The following TASOR variants were observed in gnomAD, a reference collection of about 807,000 sequenced individuals.
TASOR encodes the protein transcription activation suppressor, also known as protein TASOR.
In TASOR, 53 loss-of-function variants were observed where a neutral mutation model predicts 178.6. The ratio of observed to expected loss-of-function variants is 0.30; its 90% CI spans 0.24 to 0.37. The LOEUF (loss-of-function observed/expected upper bound fraction) is 0.37. TASOR is among the 10% of genes least tolerant of loss of function. TASOR has a pLI of 1.00. For missense variants in TASOR, 1,815 were observed against 1,971.4 expected, an observed-to-expected ratio of 0.92 and a Z score of 1.50; for synonymous variants, 713 against 696.2, an observed-to-expected ratio of 1.02 and a Z score of -0.38.
chr3:56,664,016 CTAA>C (rs755102555), intron 7 of TASOR: 1 of 231,940 alleles, frequency 4.3e-6, no homozygotes, highest in Non-Finnish European at 7.0e-6. Context: ...CTACATAAAT[CTAA>C]TGAGGAAGAC....
chr3:56,647,096 G>A lies in TASOR; in HGVS notation c.1641C>T (p.Ala547=). Residue 547 remains alanine (A), a synonymous_variant, in exon 14 of 24, where the codon GCC becomes GCT. Transcript: ENST00000683822. ...TTTCAACAACAGAATGAAAATTTAT[G>A]GCGCTTATATTTTTGAATTCCTTTC... ...QCRKEFKNIS[A]INFHSVVEKY... 5 of 1,605,400 alleles carry A rather than the reference G, an allele frequency of 3.1e-6. No individual in the cohort carries two copies. The highest frequency in any genetic ancestry group is 2.2e-5 in the East Asian group (1 of 44,800).
Position 56,666,193 on chromosome 3 carries a change from A to G in TASOR, c.1022+67T>C, listed in dbSNP as rs112254520. ...GGAAGGAAACAAAATGGTCCTCCTAACTCAGTAGTACAGGATCTGTAGTAG... is the reference window on the plus strand; with the variant it reads ...GGAAGGAAACAAAATGGTCCTCCTAGCTCAGTAGTACAGGATCTGTAGTAG... On this transcript the variant is annotated intron_variant, in intron 7 of 23. Transcript: ENST00000683822. The G allele has an allele frequency of 4.6e-6, 6 of 1,297,896 alleles. No individual in the cohort carries two copies. In the African/African-American group the frequency reaches 7.7e-5, roughly 17 times the overall value. 80.4% of individuals were successfully genotyped at this position (1,297,896 alleles called of 1,614,324 possible). A position where few individuals can be genotyped will look rare whatever the true frequency, so the allele number is the denominator to read the frequency against.
At position 56,633,171 on chromosome 3, in the gene TASOR, T is replaced by C; in HGVS notation, c.3620A>G (p.Asn1207Ser). 1 of 1,614,204 alleles carries C rather than the reference T, an allele frequency of 6.2e-7. No individual in the cohort carries two copies. The highest frequency in any genetic ancestry group is 8.5e-7 in the Non-Finnish European group (1 of 1,180,044). ...VNISAQPALS[N>S]FISQLEPEVF... The stretch of plus-strand genomic sequence containing the variant: ...TTCAGGTTCTAACTGGCTTATAAAA[T>C]TTGAAAGAGCTGGTTGAGCAGAAAT... Residue 1207 changes from asparagine to serine, a missense_variant, in exon 18 of 24, where the codon AAT becomes AGT. This residue lies in a region of TASOR where 655 missense variants were observed against 671.1 expected (regional missense o/e 0.98). Coordinates refer to ENST00000683822, the MANE Select transcript of TASOR (RefSeq NM_001365635.2).
rs917676780 is a variant in TASOR at position 56,622,595 on chromosome 3, C to T, written c.*442G>A. On this transcript the variant is annotated 3_prime_UTR_variant, in exon 24 of 24. Transcript: ENST00000683822. The stretch of plus-strand genomic sequence containing the variant: ...AAATCTTGAGGTATCGAGCCAAAAT[C>T]CTGTAAATATTAACACTGCTATTAC... The T allele has an allele frequency of 1.3e-5, 2 of 152,758 alleles. No individual in the cohort carries two copies. Among genetic ancestry groups the T allele is most frequent in the Non-Finnish European group, 2.9e-5 (2 of 68,184 alleles). The allele number at this position is 152,758 out of a possible 1,614,324, so 9.5% of individuals were successfully genotyped here.
chr3:56,670,478 C>G (rs1333098469), intron 3 of TASOR, among the ~76,000 whole-genome samples: 2 of 152,166 alleles, frequency 1.3e-5, no homozygotes, highest in African/African-American at 4.8e-5. Flanking sequence ...GTAACTAGAA[C>G]TACAAGTGCT....
intron 3 of TASOR, among the ~76,000 whole-genome samples, chr3:56,670,940 C>CAA (rs11300845): frequency 2.5e-3 from 137 of 53,912 alleles, no homozygotes; most frequent in Non-Finnish European, 3.1e-3. Context: ...GACTCCATCT[C>CAA]AAAAAAAAAA....
intron 7 of TASOR, among the ~76,000 whole-genome samples, chr3:56,665,863 T>G (rs1172907098): frequency 6.6e-6 from 1 of 151,982 alleles, no homozygotes; most frequent in Non-Finnish European, 1.5e-5. Flanking sequence ...TCCCAGCTAC[T>G]CGGGAGGCTG....
intron 20 of TASOR, 106 bp from the exon 21 acceptor site, chr3:56,627,251 A>G (rs1249877485): frequency 2.9e-6 from 2 of 686,628 alleles, no homozygotes; most frequent in South Asian, 3.8e-5. Context: ...CTACTTTCCT[A>G]TGTACTATTT....
chr3:56,662,100 A>T (rs2077609455), intron 9 of TASOR, among the ~76,000 whole-genome samples: 2 of 151,554 alleles, frequency 1.3e-5, no homozygotes, highest in Admixed American at 1.3e-4. Flanking sequence ...ACTGCACTCT[A>T]GACTGAGTGA....
At chr3:56,625,641 C>CT (rs2107526698) in intron 21 of TASOR, among the ~76,000 whole-genome samples, 1 of 152,192 alleles carries the variant, frequency 6.6e-6, no homozygotes, top group South Asian at 2.1e-4. Context: ...GAACGAAACT[C>CT]TGTCTTAAAA....
At chr3:56,674,484 G>C (rs1294310478) in intron 1 of TASOR, among the ~76,000 whole-genome samples, 1 of 152,046 alleles carries the variant, frequency 6.6e-6, no homozygotes, top group Non-Finnish European at 1.5e-5. Context: ...ACTCCAGTCT[G>C]GGAGTGAGAG....
chr3:56,646,814 T>C lies in TASOR; in HGVS notation c.1923A>G (p.Gln641=), dbSNP rs2077247769. The change falls in exon 14 of 24, where the codon CAA becomes CAG. Residue 641 remains glutamine (Q), a synonymous_variant. Transcript: ENST00000683822. ...TTTTTGTACCATTCATTTCTTCTTC[T>C]TGACCTTCATAATCTGAAAGTGGAC... ...QFSPLSDYEG[Q]EEEMNGTKMK... 1.2e-6 allele frequency: 2 copies of C among 1,612,800 alleles called. No homozygotes were observed. Among genetic ancestry groups the C allele is most frequent in the Non-Finnish European group, 1.7e-6 (2 of 1,179,754 alleles).
At chr3:56,653,278 AAAAAAAAAAAAG>A (rs527565465) in intron 11 of TASOR, among the ~76,000 whole-genome samples, 6,585 of 119,968 alleles carry the variant, frequency 0.055, 918 homozygotes, top group African/African-American at 0.16. Context: ...AAAAAAAAAA[AAAAAAAAAAAAG>A]AAAAGACAAG....
intron 14 of TASOR, 126 bp from the exon 15 acceptor site, chr3:56,641,878 C>CT (rs2077132406): frequency 1.1e-6 from 1 of 934,672 alleles, no homozygotes; most frequent in Non-Finnish European, 1.5e-6. Flanking sequence ...TTTGCTTAGA[C>CT]TTTACAAATA....
rs962626833 is a variant in TASOR at position 56,630,929 on chromosome 3, G to A, written c.3747+2115C>T. 2.6e-4 allele frequency among the ~76,000 whole-genome samples: 37 copies of A among 143,864 alleles called. No individual in the cohort carries two copies. In the East Asian group the frequency reaches 7.8e-3, roughly 30 times the overall value. The allele number at this position is 143,864 out of a possible 152,430, so 94.4% of individuals were successfully genotyped here. On this transcript the variant is annotated intron_variant, in intron 18 of 23. Coordinates refer to ENST00000683822, the MANE Select transcript of TASOR (RefSeq NM_001365635.2). Reference sequence around the variant, plus strand: ...AAAAGGAGCGGGGGGGTGGGGGGTGGGGGGTGCGGGGATGGAGGAAGTTGG... The same window carrying A: ...AAAAGGAGCGGGGGGGTGGGGGGTGAGGGGTGCGGGGATGGAGGAAGTTGG...
chr3:56,639,789 T>C (rs1343351585), intron 16 of TASOR, among the ~76,000 whole-genome samples, 197 bp downstream of exon 16: 1 of 152,230 alleles, frequency 6.6e-6, no homozygotes, highest in Admixed American at 6.5e-5. Flanking sequence ...TTGCAGGTGC[T>C]TGCTGATGCT....
At chr3:56,648,387 G>A (rs1474024355) in intron 13 of TASOR, among the ~76,000 whole-genome samples, 1 of 150,888 alleles carries the variant, frequency 6.6e-6, no homozygotes, top group Non-Finnish European at 1.5e-5. Context: ...CAGCACTTTG[G>A]GAGACCGAGG....
intron 11 of TASOR, among the ~76,000 whole-genome samples, chr3:56,656,162 T>C (rs907737729): frequency 1.3e-5 from 2 of 152,302 alleles, no homozygotes; most frequent in African/African-American, 2.4e-5. Flanking sequence ...ATGAATTCTA[T>C]ATAGAAACCC....
At position 56,660,936 on chromosome 3, in the gene TASOR, T is replaced by C. The variant is rs368441103; in HGVS notation, c.1242A>G (p.Glu414=). ...TACCTTCATTTGGACCTAAGTATGTTTCCTTATAAAACAGTGCTGGAGGGA... is the reference window on the plus strand; with the variant it reads ...TACCTTCATTTGGACCTAAGTATGTCTCCTTATAAAACAGTGCTGGAGGGA... ...QKIPPALFYK[E]TYLGPNEVLK... The change falls in exon 10 of 24, where the codon GAA becomes GAG. Residue 414 remains glutamate (E), a synonymous_variant. Coordinates refer to ENST00000683822, the MANE Select transcript of TASOR (RefSeq NM_001365635.2). 16 of 1,611,986 alleles carry C rather than the reference T, an allele frequency of 9.9e-6. No homozygotes were observed. Among genetic ancestry groups the C allele is most frequent in the Non-Finnish European group, 1.4e-5 (16 of 1,178,588 alleles).
Sources: gnomAD v4.1 joint callset for allele counts (sites outside exome capture counted in the v4.1 genomes callset) on GRCh38, gnomAD v4.1.1 for gene constraint, gnomAD v4.1.1 regional missense constraint, MANE v1.5 for transcripts, NCBI Gene and HGNC (gene_info 2026-07-23, HGNC 2026-07-21) for gene names.